SEMA3E: variants seen among roughly 807,000 people sequenced by gnomAD.
SEMA3E encodes the protein semaphorin-3E.
Under a neutral mutation model 93.6 loss-of-function variants are expected in SEMA3E, and 49 were observed. The observed-to-expected ratio is 0.52, with a 90% CI of 0.42 to 0.66. The LOEUF (loss-of-function observed/expected upper bound fraction) is 0.66, where lower values mean the gene tolerates loss of function less well. Ranked by LOEUF, SEMA3E falls within the 30% of genes least tolerant of loss-of-function variation. The probability of loss-of-function intolerance (pLI) is 0.00; values close to 1 mark genes in which losing one functional copy is unlikely to be tolerated. For synonymous variants in SEMA3E, 363 were observed against 330.7 expected, an observed-to-expected ratio of 1.10 and a Z score of -1.06; for missense variants, 906 against 964.8, an observed-to-expected ratio of 0.94 and a Z score of 0.81.
chr7:83,544,631 A>G (rs1015031698), intron 1 of SEMA3E, among the ~76,000 whole-genome samples: 1 of 152,142 alleles, frequency 6.6e-6, no homozygotes, highest in African/African-American at 2.4e-5. Flanking sequence ...TAATATTTTC[A>G]TTTTATTTAT....
chr7:83,377,791 C>T (rs910447183), intron 16 of SEMA3E, among the ~76,000 whole-genome samples: 2 of 151,872 alleles, frequency 1.3e-5, no homozygotes, highest in Non-Finnish European at 2.9e-5. Context: ...ATAAATAATG[C>T]ATATTTAAAT....
chr7:83,502,695 AGG>A (rs2115608457), intron 1 of SEMA3E, among the ~76,000 whole-genome samples: 1 of 152,316 alleles, frequency 6.6e-6, no homozygotes, highest in East Asian at 1.9e-4. Context: ...GAATGCTACT[AGG>A]TTTTGTGTTT....
intron 2 of SEMA3E, among the ~76,000 whole-genome samples, chr7:83,488,809 A>G (rs918669309): frequency 2.6e-5 from 4 of 152,054 alleles, no homozygotes; most frequent in African/African-American, 9.7e-5. Context: ...TAAAAACCAA[A>G]ACATTGTAAA....
At chr7:83,596,823 G>C (rs2115967013) in intron 1 of SEMA3E, among the ~76,000 whole-genome samples, 1 of 152,138 alleles carries the variant, frequency 6.6e-6, no homozygotes, top group African/African-American at 2.4e-5. Context: ...TCTTTTAGCT[G>C]CTTATTAAAG....
chr7:83,370,585 A>T (rs1024559973), intron 16 of SEMA3E, among the ~76,000 whole-genome samples: 6 of 152,106 alleles, frequency 3.9e-5, no homozygotes, highest in African/African-American at 1.2e-4. Flanking sequence ...ACCCAGCTTG[A>T]TTCTGTTTCA....
intron 1 of SEMA3E, among the ~76,000 whole-genome samples, chr7:83,605,069 G>A (rs1442395806): frequency 6.6e-6 from 1 of 152,034 alleles, no homozygotes; most frequent in Non-Finnish European, 1.5e-5. Flanking sequence ...CTTTGCTCTT[G>A]TAAATACTGC....
At chr7:83,423,536 C>T (rs1286656678) in intron 4 of SEMA3E, among the ~76,000 whole-genome samples, 1 of 148,282 alleles carries the variant, frequency 6.7e-6, no homozygotes, top group African/African-American at 2.5e-5. Context: ...CAGAGTCTCG[C>T]TCTGTCGCCC....
At chr7:83,480,448 C>T (rs553015701) in intron 2 of SEMA3E, among the ~76,000 whole-genome samples, 5 of 151,950 alleles carry the variant, frequency 3.3e-5, no homozygotes, top group East Asian at 1.9e-4. Context: ...ATAAATAAAA[C>T]GCTATTAGTA....
At chr7:83,627,833 T>C (rs1333741636) in intron 1 of SEMA3E, among the ~76,000 whole-genome samples, 1 of 152,126 alleles carries the variant, frequency 6.6e-6, no homozygotes, top group Non-Finnish European at 1.5e-5. Context: ...GTTAATATTG[T>C]TACATGTGAA....
chr7:83,604,439 G>A (rs372570157), intron 1 of SEMA3E, among the ~76,000 whole-genome samples: 2 of 139,822 alleles, frequency 1.4e-5, no homozygotes, highest in Admixed American at 1.4e-4. Context: ...ATATATATAT[G>A]TATATATATC....
At chr7:83,635,345 A>C (rs527273736) in intron 1 of SEMA3E, among the ~76,000 whole-genome samples, 1 of 152,016 alleles carries the variant, frequency 6.6e-6, no homozygotes, top group Admixed American at 6.5e-5. Flanking sequence ...GGATTATAGA[A>C]GTGATCCTAA....
intron 4 of SEMA3E, among the ~76,000 whole-genome samples, chr7:83,440,865 T>G (rs888186381): frequency 3.3e-5 from 5 of 150,862 alleles, no homozygotes; most frequent in Non-Finnish European, 7.4e-5. Context: ...CCAGATGGAT[T>G]GTAACCAAAC....
intron 12 of SEMA3E, among the ~76,000 whole-genome samples, chr7:83,395,715 A>G (rs1788106088): frequency 6.6e-6 from 1 of 152,120 alleles, no homozygotes; most frequent in African/African-American, 2.4e-5. Flanking sequence ...ATAGCGCTGA[A>G]GTGCTGTTTA....
chr7:83,644,980 T>C (rs1794060730), intron 1 of SEMA3E, among the ~76,000 whole-genome samples: 2 of 152,002 alleles, frequency 1.3e-5, no homozygotes, highest in Non-Finnish European at 1.5e-5. Context: ...TTCAAACACC[T>C]ACCCCTGTCT....
chr7:83,513,544 A>G (rs1199602823), intron 1 of SEMA3E, among the ~76,000 whole-genome samples: 2 of 152,192 alleles, frequency 1.3e-5, no homozygotes, highest in Non-Finnish European at 2.9e-5. Context: ...AGTGAAGGGG[A>G]CATTGCCACA....
At chr7:83,384,295 G>C (rs565129043) in intron 16 of SEMA3E, among the ~76,000 whole-genome samples, 1 of 152,136 alleles carries the variant, frequency 6.6e-6, no homozygotes, top group African/African-American at 2.4e-5. Context: ...CAAATGTTTA[G>C]TCTGCAGTGC....
At chr7:83,582,489 T>C (rs2115913999) in intron 1 of SEMA3E, among the ~76,000 whole-genome samples, 1 of 152,184 alleles carries the variant, frequency 6.6e-6, no homozygotes, top group South Asian at 2.1e-4. Context: ...TTGAATGAAG[T>C]TCTGAGAATC....
intron 1 of SEMA3E, among the ~76,000 whole-genome samples, chr7:83,584,204 A>C (rs776354510): frequency 1.3e-5 from 2 of 152,122 alleles, no homozygotes; most frequent in African/African-American, 4.8e-5. Context: ...ACTTTTTTTC[A>C]TATGTTCTTT....
At chr7:83,645,656 A>G (rs554749426) in intron 1 of SEMA3E, among the ~76,000 whole-genome samples, 1 of 151,914 alleles carries the variant, frequency 6.6e-6, no homozygotes, top group East Asian at 1.9e-4. Flanking sequence ...ATTGGGGCAC[A>G]AGGCAGTAGG....
Sources: allele counts gnomAD v4.1 joint callset (sites outside exome capture counted in the v4.1 genomes callset), GRCh38; gene constraint gnomAD v4.1.1; transcripts MANE v1.5; gene names NCBI Gene and HGNC (gene_info 2026-07-23, HGNC 2026-07-21).